The following ANK3 variants were observed in gnomAD, a reference collection of about 807,000 sequenced individuals.
ANK3 encodes the protein ankyrin-3.
ANK3 carries 57 observed loss-of-function variants against 370.9 expected under a neutral mutation model. That is an observed-to-expected ratio of 0.15 (90% CI 0.12 to 0.19). The LOEUF (loss-of-function observed/expected upper bound fraction) is 0.19. ANK3 is among the 10% of genes least tolerant of loss of function. ANK3 has a pLI of 1.00. For synonymous variants in ANK3, 1,929 were observed against 1,946.3 expected (o/e 0.99, Z 0.23); for missense variants, 4,439 against 5,302.1 (o/e 0.84, Z 5.06).
chr10:60,122,442 C>G (rs141533119), intron 25 of ANK3, among the ~76,000 whole-genome samples: 147 of 152,354 alleles, frequency 9.6e-4, no homozygotes, highest in Non-Finnish European at 1.7e-3. Flanking sequence ...GGCTCAGACA[C>G]TAAGCCAGTC....
At position 60,438,242 on chromosome 10, in the gene ANK3, T is replaced by C. The variant is rs975466397; in HGVS notation, c.97-158603A>G. Among the ~76,000 whole-genome samples, 3 of 151,978 alleles carry C rather than the reference T, an allele frequency of 2.0e-5. No homozygotes were observed. The South Asian group carries it at 6.2e-4, about 31-fold the overall frequency. On this transcript the variant is annotated intron_variant, in intron 2 of 43. Transcript: ENST00000373827. ...ATATATAAATATGTATGTATGTACA[T>C]ATAAATACATATATATATATGTATG...
intron 43 of ANK3, among the ~76,000 whole-genome samples, chr10:60,032,878 G>C (rs140329977): frequency 1.2e-3 from 180 of 152,262 alleles, no homozygotes; most frequent in African/African-American, 4.3e-3. Context: ...CAAGTACAAT[G>C]TTGCATAAAA....
chr10:60,350,078 G>C (rs974317894), intron 1 of ANK3, among the ~76,000 whole-genome samples: 5 of 152,164 alleles, frequency 3.3e-5, no homozygotes, highest in African/African-American at 7.2e-5. Context: ...TAAGTGCAAG[G>C]CACTACACGA....
At chr10:60,563,632 A>C (rs2077390828) in intron 2 of ANK3, among the ~76,000 whole-genome samples, 1 of 152,186 alleles carries the variant, frequency 6.6e-6, no homozygotes, top group African/African-American at 2.4e-5. Flanking sequence ...TTTGCTACCA[A>C]ATGTGCTCAG....
Position 60,186,994 on chromosome 10 carries a change from T to C in ANK3, c.1888-82A>G, listed in dbSNP as rs1453747691. ...TGCATTTTCAAATAGTTTATGTCTC[T>C]TTCTAGTGGTTTTCTATGATTGCTT... On this transcript the variant is annotated intron_variant, in intron 16 of 43. Coordinates refer to ENST00000280772, the MANE Select transcript of ANK3 (RefSeq NM_020987.5). 3 of 1,320,188 alleles carry C rather than the reference T, an allele frequency of 2.3e-6. No individual in the cohort carries two copies. The African/African-American group carries it at 4.4e-5, about 19-fold the overall frequency. 81.8% of individuals were successfully genotyped at this position (1,320,188 alleles called of 1,614,324 possible).
chr10:60,422,388 G>C (rs950961630), intron 2 of ANK3, among the ~76,000 whole-genome samples: 1 of 152,068 alleles, frequency 6.6e-6, no homozygotes, highest in African/African-American at 2.4e-5. Flanking sequence ...AACTGACAAA[G>C]ACTACTCTAG....
intron 1 of ANK3, among the ~76,000 whole-genome samples, chr10:60,616,504 A>G (rs529480510): frequency 1.6e-3 from 239 of 152,278 alleles, no homozygotes; most frequent in Non-Finnish European, 2.4e-3. Context: ...CCTTAAAATC[A>G]TATCATTTTT....
chr10:60,290,325 C>A (rs2041046527), intron 1 of ANK3, among the ~76,000 whole-genome samples: 1 of 151,700 alleles, frequency 6.6e-6, no homozygotes, highest in Non-Finnish European at 1.5e-5. Context: ...ATTTTATGTG[C>A]CTTTTTCATG....
chr10:60,263,717 C>T lies in ANK3; in HGVS notation c.699+118G>A. 3 of 1,154,732 alleles carry T rather than the reference C, an allele frequency of 2.6e-6. No homozygotes were observed. In the South Asian group the frequency reaches 4.5e-5, roughly 17 times the overall value. The allele number at this position is 1,154,732 out of a possible 1,614,324, so 71.5% of individuals were successfully genotyped here. On this transcript the variant is annotated intron_variant, in intron 6 of 43. Transcript: ENST00000280772. ...CTAGCTCAGACACACATTGTTCCTC[C>T]CTTCAATGAAGTTAAAGGCATGGCA...
rs1407458569 is a variant in ANK3, at chr10:60,641,086, C to T, written c.58-25862G>A. 4.4e-4 allele frequency among the ~76,000 whole-genome samples: 67 copies of T among 150,620 alleles called. 1 individual carries two copies. The highest frequency in any genetic ancestry group is 1.7e-3 in the Admixed American group (26 of 15,062). The stretch of plus-strand genomic sequence containing the variant: ...TTCAACTTACAAGGGATGTGAAGGA[C>T]CTCTTCAAGGAGAACTACAAACCAC... On this transcript the variant is annotated intron_variant, in intron 1 of 43. Transcript: ENST00000373827.
chr10:60,690,723 C>A (rs1006695296), intron 1 of ANK3, among the ~76,000 whole-genome samples: 3 of 152,124 alleles, frequency 2.0e-5, no homozygotes, highest in African/African-American at 7.2e-5. Context: ...ATAGTTAATA[C>A]AACCTACCAA....
chr10:60,151,821 G>C (rs1773627168), intron 23 of ANK3, among the ~76,000 whole-genome samples: 1 of 152,160 alleles, frequency 6.6e-6, no homozygotes, highest in African/African-American at 2.4e-5. Context: ...ACAAGGATTT[G>C]AATATCAGCT....
chr10:60,317,354 G>A (rs1453017685), intron 1 of ANK3, among the ~76,000 whole-genome samples: 3 of 151,758 alleles, frequency 2.0e-5, no homozygotes, highest in Admixed American at 6.6e-5. Flanking sequence ...CGAACTTCTG[G>A]CCTCAAGCTA....
At chr10:60,184,316 C>A (rs1315209557) in intron 17 of ANK3, among the ~76,000 whole-genome samples, 1 of 152,162 alleles carries the variant, frequency 6.6e-6, no homozygotes, top group Non-Finnish European at 1.5e-5. Context: ...AGAGACAGTT[C>A]CTTATTGAAT....
Position 60,186,772 on chromosome 10 carries a change from G to T in ANK3, c.2028C>A (p.His676Gln). Residue 676 changes from histidine (H) to glutamine (Q), a missense_variant, in exon 17 of 44, where the codon CAC (histidine) becomes CAA (glutamine). Transcript: ENST00000280772. ...ASVHLAAQEG[H>Q]VDMVSLLLGR... The stretch of plus-strand genomic sequence containing the variant: ...CGAGGAGCAGCGACACCATGTCCAC[G>T]TGCCCTTCCTGAGCTGCGAGATGGA... The T allele has an allele frequency of 6.2e-7, 1 of 1,614,124 alleles. No homozygotes were observed. Among genetic ancestry groups the T allele is most frequent in the South Asian group, 1.1e-5 (1 of 91,076 alleles).
intron 13 of ANK3, 36 bp downstream of exon 13, chr10:60,200,093 C>A: frequency 6.5e-7 from 1 of 1,537,096 alleles, no homozygotes; most frequent in South Asian, 1.1e-5. Flanking sequence ...AACAGTTTTT[C>A]CTCAATTTCA....
At chr10:60,181,136 C>A (rs2096169215) in intron 18 of ANK3, among the ~76,000 whole-genome samples, 193 bp downstream of exon 18, 1 of 152,092 alleles carries the variant, frequency 6.6e-6, no homozygotes, top group African/African-American at 2.4e-5. Flanking sequence ...AGTACCCAGG[C>A]CGTTAAAGAC....
chr10:60,151,121 A>G (rs1373624060), intron 23 of ANK3, among the ~76,000 whole-genome samples: 1 of 152,236 alleles, frequency 6.6e-6, no homozygotes, highest in Non-Finnish European at 1.5e-5. Flanking sequence ...ATACTTTGAG[A>G]GAAGTAACAA....
At chr10:60,249,985 G>T (rs1288574292) in intron 7 of ANK3, among the ~76,000 whole-genome samples, 3 of 152,196 alleles carry the variant, frequency 2.0e-5, no homozygotes, top group Non-Finnish European at 2.9e-5. Flanking sequence ...CTATAAAATT[G>T]TATATTTTTT....
Sources: gnomAD v4.1 joint callset for allele counts (sites outside exome capture counted in the v4.1 genomes callset) on GRCh38, gnomAD v4.1.1 for gene constraint, MANE v1.5 for transcripts, NCBI Gene and HGNC (gene_info 2026-07-23, HGNC 2026-07-21) for gene names.